ZNF676: variants seen among roughly 807,000 people sequenced by gnomAD.
The protein encoded by ZNF676 is zinc finger protein 676.
A neutral mutation model predicts 6.0 loss-of-function variants in ZNF676; 4 were observed. That is an observed-to-expected ratio of 0.67 (90% CI 0.33 to 1.53). ZNF676 has a LOEUF of 1.53. ZNF676 is among the 40% of genes most tolerant of loss of function. The pLI is 0.06. For synonymous variants in ZNF676, 198 were observed against 223.1 expected (o/e 0.89, Z 1.00); for missense variants, 644 against 679.7 (o/e 0.95, Z 0.58).
chr19:22,181,976 A>T (rs547073158), intron 2 of ZNF676, among the ~76,000 whole-genome samples: 13 of 151,012 alleles, frequency 8.6e-5, no homozygotes, highest in African/African-American at 3.2e-4. Context: ...ATCCAATTTA[A>T]TTTTTGTCTT....
chr19:22,250,486 T>C, the ZNF676 span, among the ~76,000 whole-genome samples: 1 of 152,138 alleles, frequency 6.6e-6, no homozygotes, highest in Non-Finnish European at 1.5e-5. Context: ...AGTGGCGTGA[T>C]TACCTCACTC....
At chr19:22,192,709 G>A (rs1001471114) in intron 2 of ZNF676, among the ~76,000 whole-genome samples, 19 of 142,266 alleles carry the variant, frequency 1.3e-4, no homozygotes, top group Admixed American at 1.0e-3. Context: ...AAAATTACGC[G>A]GATATCTATG....
the ZNF676 span, among the ~76,000 whole-genome samples, chr19:22,253,465 T>C: frequency 2.4e-5 from 2 of 84,926 alleles, no homozygotes; most frequent in African/African-American, 3.6e-5. Context: ...TGATAATGTG[T>C]GTATATATAT....
rs370104573 is a variant in ZNF676 at position 22,179,910 on chromosome 19, C to A, written c.*40G>T. ...TATGAATTTTCTTATGTTTACTAGA[C>A]TGAGAATCAGCTGAAGGATTTACCA... On this transcript the variant is annotated 3_prime_UTR_variant, in exon 3 of 3. Coordinates refer to ENST00000397121, the MANE Select transcript of ZNF676 (RefSeq NM_001001411.3). 810 of 1,587,972 alleles carry A rather than the reference C, an allele frequency of 5.1e-4. 1 individual carries two copies. The highest frequency in any genetic ancestry group is 6.6e-4 in the Non-Finnish European group (767 of 1,161,456).
At chr19:22,231,297 CAGAG>C in the ZNF676 span, among the ~76,000 whole-genome samples, 3 of 151,230 alleles carry the variant, frequency 2.0e-5, no homozygotes, top group Admixed American at 6.6e-5. Flanking sequence ...AAGGAAGACA[CAGAG>C]AGAAAATTAG....
chr19:22,190,145 G>A (rs1246920231), intron 2 of ZNF676, among the ~76,000 whole-genome samples: 5 of 151,964 alleles, frequency 3.3e-5, no homozygotes, highest in Non-Finnish European at 7.4e-5. Flanking sequence ...TAATATACTG[G>A]ATAAAGAAAA....
At chr19:22,246,998 G>T in the ZNF676 span, among the ~76,000 whole-genome samples, 1 of 152,154 alleles carries the variant, frequency 6.6e-6, no homozygotes, top group Non-Finnish European at 1.5e-5. Flanking sequence ...ACTTCTTGGG[G>T]TCTGGATTAA....
At chr19:22,211,955 T>G (rs2024132742) in intron 1 of ZNF676, among the ~76,000 whole-genome samples, 1 of 151,844 alleles carries the variant, frequency 6.6e-6, no homozygotes, top group Admixed American at 6.6e-5. Flanking sequence ...ATCTCAGCAC[T>G]TTGGGAGGCC....
At chr19:22,248,475 T>TA in the ZNF676 span, among the ~76,000 whole-genome samples, 1 of 152,150 alleles carries the variant, frequency 6.6e-6, no homozygotes, top group Non-Finnish European at 1.5e-5. Flanking sequence ...CCCTAGAACT[T>TA]AAAGTATTTT....
upstream of ZNF676, among the ~76,000 whole-genome samples, chr19:22,201,181 CA>C (rs1478378370): frequency 6.6e-6 from 1 of 152,132 alleles, no homozygotes; most frequent in Non-Finnish European, 1.5e-5. Flanking sequence ...TCACATTTTA[CA>C]AGTAGGTATA....
chr19:22,224,387 T>A, the ZNF676 span, among the ~76,000 whole-genome samples: 1 of 152,038 alleles, frequency 6.6e-6, no homozygotes, highest in African/African-American at 2.4e-5. Context: ...TCTATCACAA[T>A]CAGATTATAT....
At chr19:22,200,695 G>C (rs1243533493), upstream of ZNF676, among the ~76,000 whole-genome samples, 4 of 151,452 alleles carry the variant, frequency 2.6e-5, no homozygotes, top group African/African-American at 9.7e-5. Flanking sequence ...AAATATGTTG[G>C]TTTATTCAAC....
the ZNF676 span, among the ~76,000 whole-genome samples, chr19:22,227,828 T>G: frequency 6.6e-6 from 1 of 152,140 alleles, no homozygotes; most frequent in Non-Finnish European, 1.5e-5. Context: ...AATCCCTGAA[T>G]AGACCAATAA....
chr19:22,243,973 CAT>C, the ZNF676 span: 3 of 152,032 alleles, frequency 2.0e-5, no homozygotes, highest in Non-Finnish European at 4.4e-5. Flanking sequence ...CCTCTGAAGA[CAT>C]TCTTTGTGCC....
At chr19:22,196,031 T>C (rs1599714727) in intron 1 of ZNF676, among the ~76,000 whole-genome samples, 1 of 152,158 alleles carries the variant, frequency 6.6e-6, no homozygotes, top group African/African-American at 2.4e-5. Context: ...GTTCATAGTC[T>C]GTAAAATCCG....
At chr19:22,208,923 AAAGT>A (rs796467444) in intron 1 of ZNF676, among the ~76,000 whole-genome samples, 4 of 152,282 alleles carry the variant, frequency 2.6e-5, no homozygotes, top group African/African-American at 9.6e-5. Context: ...CCTGGGAAAG[AAAGT>A]GAGACCCTGT....
At chr19:22,242,305 C>T in the ZNF676 span, among the ~76,000 whole-genome samples, 5 of 152,040 alleles carry the variant, frequency 3.3e-5, no homozygotes, top group South Asian at 4.2e-4. Flanking sequence ...CACCTTAGTG[C>T]TAGGCCAAGG....
chr19:22,228,217 C>T, the ZNF676 span, among the ~76,000 whole-genome samples: 3 of 152,202 alleles, frequency 2.0e-5, no homozygotes, highest in East Asian at 1.9e-4. Flanking sequence ...AATCAATAAA[C>T]GTAATCCATC....
chr19:22,223,188 C>A, the ZNF676 span, among the ~76,000 whole-genome samples: 1 of 151,990 alleles, frequency 6.6e-6, no homozygotes. Flanking sequence ...TGGGTTGTGG[C>A]CAAGAACAGA....
Sources: gnomAD v4.1 joint callset for allele counts (sites outside exome capture counted in the v4.1 genomes callset) on GRCh38, gnomAD v4.1.1 for gene constraint, MANE v1.5 for transcripts, NCBI Gene and HGNC (gene_info 2026-07-23, HGNC 2026-07-21) for gene names.